The following LRRD1 variants were observed in gnomAD, a reference collection of about 807,000 sequenced individuals.
LRRD1 encodes the protein leucine rich repeats and death domain containing 1.
A neutral mutation model predicts 69.5 loss-of-function variants in LRRD1; 49 were observed. The observed-to-expected ratio is 0.70, with a 90% CI of 0.56 to 0.89. The LOEUF (loss-of-function observed/expected upper bound fraction) is 0.89, where lower values mean the gene tolerates loss of function less well. Among genes scored for constraint, LRRD1 ranks in the 40% least tolerant of loss-of-function variants. LRRD1 has a pLI of 0.00. For missense variants in LRRD1, 853 were observed against 956.0 expected (o/e 0.89, Z 1.42); for synonymous variants, 303 against 338.9 (o/e 0.89, Z 1.16).
At chr7:92,158,744 G>A (rs1424140498) in intron 3 of LRRD1, among the ~76,000 whole-genome samples, 1 of 152,082 alleles carries the variant, frequency 6.6e-6, no homozygotes, top group East Asian at 1.9e-4. Flanking sequence ...AGAAAGGGAA[G>A]AAATACTAAA....
At chr7:92,156,063 C>T (rs1788652484) in intron 3 of LRRD1, among the ~76,000 whole-genome samples, 1 of 152,210 alleles carries the variant, frequency 6.6e-6, no homozygotes, top group African/African-American at 2.4e-5. Context: ...CAGACACATG[C>T]AGGAACAATA....
At chr7:92,148,162 A>G (rs533500422) in intron 4 of LRRD1, among the ~76,000 whole-genome samples, 6 of 152,192 alleles carry the variant, frequency 3.9e-5, no homozygotes, top group Non-Finnish European at 7.4e-5. Flanking sequence ...GCCAGTCTCA[A>G]ACTTCTGGCC....
Position 92,163,551 on chromosome 7 carries a change from G to C in LRRD1, c.1652C>G (p.Ser551Ter). The change falls in exon 2 of 6, where the codon TCA becomes TGA. Residue 551 changes from serine to a stop codon, truncating the protein, a stop_gained. Transcript: ENST00000458448. LOFTEE classifies it high-confidence loss of function. The part of the protein sequence containing the change: ...GKNQIKKIPA[S>*]ISNMISLHVL... ...GTGGAGTGATATCATATTAGAAATT[G>C]ATGCTGGAATTTTCTTTATTTGGTT... 1.3e-6 allele frequency: 2 copies of C among 1,528,138 alleles called. No individual in the cohort carries two copies. Among genetic ancestry groups the C allele is most frequent in the South Asian group, 2.5e-5 (2 of 80,144 alleles). The allele number at this position is 1,528,138 out of a possible 1,614,324, so 94.7% of individuals were successfully genotyped here.
Position 92,163,314 on chromosome 7 carries a change from A to C in LRRD1, c.1889T>G (p.Leu630Arg), listed in dbSNP as rs1396979098. 6.7e-7 allele frequency: 1 copy of C among 1,503,236 alleles called. No individual in the cohort carries two copies. Among genetic ancestry groups the C allele is most frequent in the Non-Finnish European group, 8.9e-7 (1 of 1,128,146 alleles). 93.1% of individuals were successfully genotyped at this position (1,503,236 alleles called of 1,614,324 possible). A position where few individuals can be genotyped will look rare whatever the true frequency, so the allele number is the denominator to read the frequency against. Residue 630 changes from leucine to arginine, a missense_variant, in exon 2 of 6, where the codon CTG (leucine) becomes CGG (arginine). Around this residue, in one of 3 missense-constraint regions of LRRD1, gnomAD observed 739 missense variants for 808.0 expected, o/e 0.91. Coordinates refer to ENST00000458448, the MANE Select transcript of LRRD1 (RefSeq NM_001161528.2). ...TCTCCCTTTTATCTGACTTATATTC[A>C]GCTGTTCCAGTGATTGAAGTTGGCA... ...ELCQLQSLEQ[L>R]NISQIKGRKL...
intron 5 of LRRD1, 24 bp downstream of exon 5, chr7:92,146,059 C>T: frequency 8.1e-7 from 1 of 1,231,618 alleles, no homozygotes; most frequent in East Asian, 2.6e-5. Context: ...TAAATTTGTA[C>T]TAAATGCTGT....
chr7:92,171,918 G>C (rs1013358176), intron 1 of LRRD1, among the ~76,000 whole-genome samples: 1 of 152,242 alleles, frequency 6.6e-6, no homozygotes, highest in Non-Finnish European at 1.5e-5. Flanking sequence ...AATAACAAAA[G>C]TTATATCATC....
At chr7:92,159,683 A>G (rs1557638) in intron 2 of LRRD1, among the ~76,000 whole-genome samples, 22,324 of 146,182 alleles carry the variant, frequency 0.15, 2,105 homozygotes, top group East Asian at 0.38. Flanking sequence ...GGGCAATGGC[A>G]TGATCTCAGC....
chr7:92,163,309 T>C lies in LRRD1; in HGVS notation c.1894A>G (p.Ile632Val), dbSNP rs774338415. Residue 632 changes from isoleucine to valine, a missense_variant, in exon 2 of 6, where the codon ATA (isoleucine) becomes GTA (valine). Transcript: ENST00000458448. The stretch of plus-strand genomic sequence containing the variant: ...ACCTTTCTCCCTTTTATCTGACTTA[T>C]ATTCAGCTGTTCCAGTGATTGAAGT... ...CQLQSLEQLN[I>V]SQIKGRKLTR... The C allele has an allele frequency of 2.0e-6, 3 of 1,497,954 alleles. No homozygotes were observed. Among genetic ancestry groups the C allele is most frequent in the East Asian group, 2.5e-5 (1 of 40,588 alleles). 92.8% of individuals were successfully genotyped at this position (1,497,954 alleles called of 1,614,324 possible).
intron 3 of LRRD1, among the ~76,000 whole-genome samples, chr7:92,153,819 T>G (rs1163780091): frequency 6.6e-6 from 1 of 151,598 alleles, no homozygotes; most frequent in Non-Finnish European, 1.5e-5. Flanking sequence ...AAGACTCTGC[T>G]GTAAAAAAAA....
At chr7:92,159,735 C>T (rs1788758114) in intron 2 of LRRD1, among the ~76,000 whole-genome samples, 1 of 151,590 alleles carries the variant, frequency 6.6e-6, no homozygotes, top group Admixed American at 6.6e-5. Flanking sequence ...AATTCTCCTG[C>T]CTCAGCCTTT....
chr7:92,173,581 G>A (rs191076158), intron 1 of LRRD1, among the ~76,000 whole-genome samples: 2 of 152,274 alleles, frequency 1.3e-5, no homozygotes, highest in Middle Eastern at 3.4e-3. Context: ...ATTAAAAAAT[G>A]CTCACCATCA....
At position 92,163,973 on chromosome 7, in the gene LRRD1, G is replaced by C. The variant is rs761498182; in HGVS notation, c.1230C>G (p.Leu410=). 31 of 1,531,108 alleles carry C rather than the reference G, an allele frequency of 2.0e-5. No homozygotes were observed. The East Asian group carries it at 6.4e-4, about 32-fold the overall frequency. 94.8% of individuals were successfully genotyped at this position (1,531,108 alleles called of 1,614,324 possible). A position where few individuals can be genotyped will look rare whatever the true frequency, so the allele number is the denominator to read the frequency against. ...LSLSDNKLTE[L]PKYIHKLNNL... ...TGTTAAGCTTATGGATGTACTTAGG[G>C]AGTTCTGTTAATTTATTATCACTAA... Residue 410 remains leucine (L), a synonymous_variant, in exon 2 of 6, where the codon CTC becomes CTG. Coordinates refer to ENST00000458448, the MANE Select transcript of LRRD1 (RefSeq NM_001161528.2).
chr7:92,176,519 G>A (rs979771395), intron 1 of LRRD1, among the ~76,000 whole-genome samples: 3 of 150,328 alleles, frequency 2.0e-5, no homozygotes, highest in African/African-American at 7.3e-5. Flanking sequence ...TCTTTGTCTT[G>A]TTCCTTTAAT....
intron 2 of LRRD1, 120 bp from the exon 3 acceptor site, chr7:92,159,323 AT>A (rs747833129): frequency 1.2e-4 from 79 of 671,816 alleles, no homozygotes; most frequent in Non-Finnish European, 1.5e-4. Context: ...TAAAAAGGAG[AT>A]TTTTTATTAT....
chr7:92,152,674 CTTTTTT>C (rs375384141), intron 3 of LRRD1, among the ~76,000 whole-genome samples: 1 of 139,932 alleles, frequency 7.1e-6, no homozygotes, highest in Non-Finnish European at 1.6e-5. Flanking sequence ...TTTAACTATT[CTTTTTT>C]TTTTTTTTTG....
chr7:92,170,080 G>C (rs201175225), intron 1 of LRRD1, among the ~76,000 whole-genome samples: 3 of 91,996 alleles, frequency 3.3e-5, no homozygotes, highest in African/African-American at 5.1e-5. Flanking sequence ...AAAAAAAAAA[G>C]AGAGAGAGAA....
chr7:92,158,459 GTATA>G (rs573610403), intron 3 of LRRD1, among the ~76,000 whole-genome samples: 2 of 150,824 alleles, frequency 1.3e-5, no homozygotes, highest in African/African-American at 4.9e-5. Context: ...GTGTATGTGT[GTATA>G]TATATATATA....
At chr7:92,165,582 C>T (rs996225498) in intron 1 of LRRD1, among the ~76,000 whole-genome samples, 7 of 151,850 alleles carry the variant, frequency 4.6e-5, no homozygotes, top group South Asian at 2.1e-4. Context: ...AAAAGGGGGC[C>T]GGGTGCGGTG....
intron 1 of LRRD1, among the ~76,000 whole-genome samples, chr7:92,175,298 T>G (rs1428913368): frequency 1.3e-5 from 2 of 152,188 alleles, no homozygotes; most frequent in Non-Finnish European, 2.9e-5. Flanking sequence ...TACTTCTGTA[T>G]CAGAGTCCTA....
Sources: allele counts gnomAD v4.1 joint callset (sites outside exome capture counted in the v4.1 genomes callset), GRCh38; gene constraint gnomAD v4.1.1; regional missense constraint gnomAD v4.1.1; transcripts MANE v1.5; gene names NCBI Gene and HGNC (gene_info 2026-07-23, HGNC 2026-07-21).